Variants in AGRN observed in about 807,000 individuals in gnomAD.
The protein encoded by AGRN is agrin.
A neutral mutation model predicts 211.0 loss-of-function variants in AGRN; 106 were observed. The ratio of observed to expected loss-of-function variants is 0.50; its 90% CI spans 0.43 to 0.59. The LOEUF (loss-of-function observed/expected upper bound fraction) is 0.59. Ranked by LOEUF, AGRN falls within the 20% of genes least tolerant of loss-of-function variation. AGRN has a pLI of 0.00. For synonymous variants in AGRN, 1,525 were observed against 1,332.5 expected (o/e 1.14, Z -3.15); for missense variants, 3,040 against 2,982.6 (o/e 1.02, Z -0.45).
rs139594136 is a variant in AGRN, at chr1:1,043,372, C to T, written c.1518C>T (p.Gly506=). Residue 506 remains glycine, a synonymous_variant, in exon 8 of 36, where the codon GGC becomes GGT. Transcript: ENST00000379370. ...ACGATCCTGTGTGCGGCAGCGACGG[C>T]GTCACATACGGCAGCGCGTGCGAGC... is the stretch of plus-strand genomic sequence containing the variant. ...SLYDPVCGSD[G]VTYGSACELE... is the part of the protein sequence containing the mutation. 1.8e-5 allele frequency: 29 copies of T among 1,609,688 alleles called. No individual in the cohort carries two copies. Among genetic ancestry groups the T allele is most frequent in the South Asian group, 1.4e-4 (13 of 90,536 alleles).
chr1:1,053,978 G>A lies in AGRN; in HGVS notation c.5876+1G>A, dbSNP rs532386334. 2 of 1,596,336 alleles carry A rather than the reference G, an allele frequency of 1.3e-6. No individual in the cohort carries two copies. Among genetic ancestry groups the A allele is most frequent in the Non-Finnish European group, 1.7e-6 (2 of 1,172,396 alleles). On this transcript the variant is annotated splice_donor_variant, in intron 34 of 35. Coordinates refer to ENST00000379370, the MANE Select transcript of AGRN (RefSeq NM_198576.4). LOFTEE classifies it high-confidence loss of function. ...GCTGGTTGCGGGTCGTGGCACATAG[G>A]TGAGTAGGGAACCCAGCGTGCCGAG...
rs1454816000 is a variant in AGRN at position 1,042,031 on chromosome 1, G to A, written c.1253G>A (p.Arg418His). 3 of 1,610,200 alleles carry A rather than the reference G, an allele frequency of 1.9e-6. No homozygotes were observed. The highest frequency in any genetic ancestry group is 1.3e-5 in the African/African-American group (1 of 75,036). ...RRGRPRCSCD[R>H]VTCDGAYRPV... ...GGCCGTCCCCGCTGCTCCTGCGACC[G>A]CGTCACCTGTGACGGGGCCTACAGG... Residue 418 changes from arginine to histidine, a missense_variant, in exon 7 of 36, where the codon CGC becomes CAC. Physicochemically the swap from Arg to His is conservative, Grantham distance 29 (BLOSUM62 0). Coordinates refer to ENST00000379370, the MANE Select transcript of AGRN (RefSeq NM_198576.4).
Position 1,045,842 on chromosome 1 carries a change from C to A in AGRN, c.2646C>A (p.Asp882Glu), listed in dbSNP as rs376524541. The change falls in exon 15 of 36, where the codon GAC becomes GAA. Residue 882 changes from aspartate to glutamate, a missense_variant. Physicochemically the swap from Asp to Glu is conservative, Grantham distance 45. Transcript: ENST00000379370. ...GACCCAAGTGTGGGCAGTGTCCAGA[C>A]GGCCGTGCCCTGGGCCCCGCGGGCT... ...VAGPKCGQCP[D>E]GRALGPAGCE... The A allele has an allele frequency of 1.2e-6, 2 of 1,611,962 alleles. No homozygotes were observed. The highest frequency in any genetic ancestry group is 2.2e-5 in the East Asian group (1 of 44,874).
In AGRN at chr1:1,022,467, G is replaced by A. The variant is rs779919649; in HGVS notation, c.463+5G>A. ...AGGTGGAGTTCTGTGTGGAAGGTGC[G>A]TGGTGGGGGGCTCGTGTGGGGGCCT... On this transcript the variant is annotated splice_donor_5th_base_variant and intron_variant, in intron 2 of 35. Coordinates refer to ENST00000379370, the MANE Select transcript of AGRN (RefSeq NM_198576.4). 15 of 1,604,486 alleles carry A rather than the reference G, an allele frequency of 9.3e-6. No homozygotes were observed. The highest frequency in any genetic ancestry group is 1.7e-4 in the Middle Eastern group (1 of 6,046).
At chr1:1,021,067 C>G (rs990476101) in intron 1 of AGRN, among the ~76,000 whole-genome samples, 2 of 152,152 alleles carry the variant, frequency 1.3e-5, no homozygotes, top group Non-Finnish European at 2.9e-5. Context: ...GCTCGGGGGA[C>G]CCAGAGCCGG....
intron 3 of AGRN, among the ~76,000 whole-genome samples, chr1:1,040,034 A>C (rs1644891037): frequency 6.6e-6 from 1 of 152,202 alleles, no homozygotes; most frequent in Non-Finnish European, 1.5e-5. Context: ...GGGAGCGGTC[A>C]GGGAGGCGCC....
chr1:1,044,847 G>C (rs1259370302), intron 12 of AGRN, among the ~76,000 whole-genome samples: 1 of 152,232 alleles, frequency 6.6e-6, no homozygotes, highest in Non-Finnish European at 1.5e-5. Flanking sequence ...GGGTGAGAAC[G>C]CATGCTGACG....
In AGRN at chr1:1,022,824, C is replaced by A. The variant is rs147326918; in HGVS notation, c.463+362C>A. Among the ~76,000 whole-genome samples the A allele has an allele frequency of 8.3e-3, 1,262 of 152,392 alleles. 7 individuals are homozygous for A. Among genetic ancestry groups the A allele is most frequent in the Non-Finnish European group, 0.013 (868 of 68,038 alleles). On this transcript the variant is annotated intron_variant, in intron 2 of 35. Coordinates refer to ENST00000379370, the MANE Select transcript of AGRN (RefSeq NM_198576.4). ...GTTCAAGCCCCTGTGTTAGCCCAGA[C>A]CTCCGTCTAGACGGGCCCGCGTGTC...
Position 1,028,593 on chromosome 1 carries a change from G to A in AGRN, c.463+6131G>A, listed in dbSNP as rs56307775. On this transcript the variant is annotated intron_variant, in intron 2 of 35. Transcript: ENST00000379370. ...CGAAGGAACCGAGCCCCAGCCCCTC[G>A]TGGGCCAAGGGCGCCCACAGCCACG... Among the ~76,000 whole-genome samples the A allele has an allele frequency of 1.1e-3, 119 of 112,952 alleles. No homozygotes were observed. The East Asian group carries it at 0.018, about 17-fold the overall frequency. 74.1% of individuals were successfully genotyped at this position (112,952 alleles called of 152,430 possible).
Position 1,049,702 on chromosome 1 carries a change from C to T in AGRN, c.4651C>T (p.His1551Tyr), listed in dbSNP as rs771455197. The change falls in exon 26 of 36, where the codon CAC becomes TAC. Residue 1551 changes from histidine (H) to tyrosine (Y), a missense_variant. Around this residue, in one of 3 missense-constraint regions of AGRN, gnomAD observed 1,537 missense variants for 1,505.0 expected, o/e 1.02. Transcript: ENST00000379370. ...RGSGVGECGD[H>Y]PCLPNPCHGG... ...CTCTGGCGTGGGCGAGTGCGGGGAC[C>T]ACCCCTGCCTGCCCAACCCCTGCCA... 2.0e-5 allele frequency: 32 copies of T among 1,576,394 alleles called. No homozygotes were observed. Among genetic ancestry groups the T allele is most frequent in the African/African-American group, 2.7e-5 (2 of 74,292 alleles).
chr1:1,048,144 G>C lies in AGRN; in HGVS notation c.3884G>C (p.Ser1295Thr), dbSNP rs764736463. 7 of 1,576,934 alleles carry C rather than the reference G, an allele frequency of 4.4e-6. No homozygotes were observed. The highest frequency in any genetic ancestry group is 5.1e-6 in the Non-Finnish European group (6 of 1,168,524). The change falls in exon 23 of 36, where the codon AGC (serine) becomes ACC (threonine). Residue 1295 changes from serine (S) to threonine (T), a missense_variant. Transcript: ENST00000379370. The surrounding 1 kb of genome is among the most constrained non-coding windows in gnomAD (Gnocchi z 5.9). ...TPRAPHPSHT[S>T]QPVAKTTAAP... is the part of the protein sequence containing the mutation. ...CGGGCCCCGCACCCCAGTCACACAA[G>C]CCAGCCCGTTGCCAAGACCACGGCA...
In AGRN at chr1:1,041,403, C is replaced by T. The variant is rs980423212; in HGVS notation, c.952+6C>T. The T allele has an allele frequency of 3.2e-6, 5 of 1,543,966 alleles. No individual in the cohort carries two copies. The East Asian group carries it at 1.2e-4, about 37-fold the overall frequency. ...GAAGTTCGACGGCCCTTGTGGTGAG[C>T]GCGGCGGCGGGCGCACGGCTCGAGC... On this transcript the variant is annotated splice_donor_region_variant and intron_variant, in intron 5 of 35. Coordinates refer to ENST00000379370, the MANE Select transcript of AGRN (RefSeq NM_198576.4).
chr1:1,020,143 C>A lies in AGRN; in HGVS notation c.-30C>A. On this transcript the variant is annotated 5_prime_UTR_variant, in exon 1 of 36. Coordinates refer to ENST00000379370, the MANE Select transcript of AGRN (RefSeq NM_198576.4). ...CCAGTCCCGTCCCCGGCGCGGCCCGCGCGCTCCTCCGCCGCCTCTCGCCTG... is the reference window on the plus strand; with the variant it reads ...CCAGTCCCGTCCCCGGCGCGGCCCGAGCGCTCCTCCGCCGCCTCTCGCCTG... 1 of 1,201,384 alleles carries A rather than the reference C, an allele frequency of 8.3e-7. No individual in the cohort carries two copies. Among genetic ancestry groups the A allele is most frequent in the South Asian group, 2.2e-5 (1 of 45,680 alleles). 74.4% of individuals were successfully genotyped at this position (1,201,384 alleles called of 1,614,324 possible). A position where few individuals can be genotyped will look rare whatever the true frequency, so the allele number is the denominator to read the frequency against.
At chr1:1,036,145 A>T (rs948387194) in intron 3 of AGRN, among the ~76,000 whole-genome samples, 22 of 152,018 alleles carry the variant, frequency 1.4e-4, no homozygotes, top group African/African-American at 5.3e-4. Flanking sequence ...GGCCTTCCTG[A>T]CCAGCACATG....
rs779378564 is a variant in AGRN, at chr1:1,042,030, C to T, written c.1252C>T (p.Arg418Cys). 3.1e-6 allele frequency: 5 copies of T among 1,610,196 alleles called. No individual in the cohort carries two copies. The highest frequency in any genetic ancestry group is 3.4e-6 in the Non-Finnish European group (4 of 1,179,642). Reference protein sequence around the residue: ...RRGRPRCSCDRVTCDGAYRPV... With the variant: ...RRGRPRCSCDCVTCDGAYRPV... Reference sequence around the variant, plus strand: ...TGGCCGTCCCCGCTGCTCCTGCGACCGCGTCACCTGTGACGGGGCCTACAG... The same window carrying T: ...TGGCCGTCCCCGCTGCTCCTGCGACTGCGTCACCTGTGACGGGGCCTACAG... Residue 418 changes from arginine (R) to cysteine (C), a missense_variant, in exon 7 of 36, where the codon CGC becomes TGC. Arg to Cys is a radical substitution (Grantham distance 180). Transcript: ENST00000379370.
Position 1,038,475 on chromosome 1 carries a change from A to G in AGRN, c.512-2190A>G, listed in dbSNP as rs1470357724. On this transcript the variant is annotated intron_variant, in intron 3 of 35. Coordinates refer to ENST00000379370, the MANE Select transcript of AGRN (RefSeq NM_198576.4). ...CCGCTCACCCTGGTGAGCTGCCATC[A>G]TCACCTTCTTCCCCAAGGCTCTGTC... Among the ~76,000 whole-genome samples the G allele has an allele frequency of 2.0e-5, 3 of 152,162 alleles. No individual in the cohort carries two copies. In the East Asian group the frequency reaches 5.8e-4, roughly 29 times the overall value.
Position 1,047,806 on chromosome 1 carries a change from G to A in AGRN, c.3662G>A (p.Arg1221Gln), listed in dbSNP as rs764139323. The change falls in exon 22 of 36, where the codon CGG becomes CAG. Residue 1221 changes from arginine (R) to glutamine (Q), a missense_variant. By Grantham distance (43) the Arg-to-Gln change is conservative (BLOSUM62 1). Coordinates refer to ENST00000379370, the MANE Select transcript of AGRN (RefSeq NM_198576.4). ...TTAFRAPDVA[R>Q]ALLRQIQVSR... Reference sequence around the variant, plus strand: ...GCCTTCAGGGCACCCGACGTGGCCCGGGCCCTGCTCCGGCAGATCCAGGTG... The same window carrying A: ...GCCTTCAGGGCACCCGACGTGGCCCAGGCCCTGCTCCGGCAGATCCAGGTG... 2.4e-5 allele frequency: 39 copies of A among 1,603,772 alleles called. 2 individuals are homozygous for A. The Middle Eastern group carries it at 3.6e-3, about 149-fold the overall frequency.
chr1:1,053,190 T>G (rs961143216), intron 33 of AGRN: 9 of 311,164 alleles, frequency 2.9e-5, no homozygotes, highest in Non-Finnish European at 5.0e-5. Flanking sequence ...TGTCTGCACG[T>G]GGGTGTCTGC....
Position 1,055,094 on chromosome 1 carries a change from C to T in AGRN, c.*113C>T. ...TGGCCGGAGGGACTGCTGGCCCGGC[C>T]TCCCTTCCGTCCAGGCAGCCGTGCT... On this transcript the variant is annotated 3_prime_UTR_variant, in exon 36 of 36. Coordinates refer to ENST00000379370, the MANE Select transcript of AGRN (RefSeq NM_198576.4). 6.7e-7 allele frequency: 1 copy of T among 1,483,082 alleles called. No individual in the cohort carries two copies. The highest frequency in any genetic ancestry group is 2.0e-5 in the Admixed American group (1 of 50,746). The allele number at this position is 1,483,082 out of a possible 1,614,324, so 91.9% of individuals were successfully genotyped here.
Sources: gnomAD v4.1 joint callset for allele counts (sites outside exome capture counted in the v4.1 genomes callset) on GRCh38, gnomAD v4.1.1 for gene constraint, gnomAD v4.1.1 regional missense constraint, Gnocchi (gnomAD v3.1) non-coding constraint, MANE v1.5 for transcripts, NCBI Gene and HGNC (gene_info 2026-07-23, HGNC 2026-07-21) for gene names.